BRD4: variants seen among roughly 807,000 people sequenced by gnomAD.
BRD4 encodes the protein bromodomain-containing protein 4.
A neutral mutation model predicts 142.1 loss-of-function variants in BRD4; 16 were observed. That is an observed-to-expected ratio of 0.11 (90% CI 0.08 to 0.17). BRD4 has a LOEUF of 0.17. Among genes scored for constraint, BRD4 ranks in the 10% least tolerant of loss-of-function variants. BRD4 has a pLI of 1.00. For synonymous variants in BRD4, 833 were observed against 707.5 expected (o/e 1.18, Z -2.82); for missense variants, 1,424 against 1,810.9 (o/e 0.79, Z 3.88).
At chr19:15,308,494 G>C (rs2047937383) in intron 1 of BRD4, among the ~76,000 whole-genome samples, 2 of 150,956 alleles carry the variant, frequency 1.3e-5, no homozygotes, top group African/African-American at 2.4e-5. Context: ...GGCTGAGGCA[G>C]AACAATCGCT....
At chr19:15,331,105 A>G (rs1243127541) in intron 1 of BRD4, among the ~76,000 whole-genome samples, 1 of 152,182 alleles carries the variant, frequency 6.6e-6, no homozygotes, top group Admixed American at 6.5e-5. Flanking sequence ...ACCCAAGACC[A>G]GACACCCCAC....
intron 1 of BRD4, among the ~76,000 whole-genome samples, chr19:15,283,415 C>G (rs1205270722): frequency 1.3e-5 from 2 of 152,190 alleles, no homozygotes; most frequent in Non-Finnish European, 2.9e-5. Context: ...TTATAATCCT[C>G]ATTTAAATTT....
At chr19:15,255,204 G>A in intron 10 of BRD4, 93 bp downstream of exon 10, 1 of 1,273,286 alleles carries the variant, frequency 7.9e-7, no homozygotes. Flanking sequence ...AAAAAAGGGG[G>A]GGGGCGCAGA....
chr19:15,258,602 TTTCTTC>T (rs931423547), intron 7 of BRD4, among the ~76,000 whole-genome samples: 16 of 152,096 alleles, frequency 1.1e-4, no homozygotes, highest in Non-Finnish European at 1.8e-4. Context: ...TTTTTCTTTC[TTTCTTC>T]TTCTTCTTCT....
At chr19:15,331,520 A>C (rs918582814) in intron 1 of BRD4, among the ~76,000 whole-genome samples, 1 of 152,188 alleles carries the variant, frequency 6.6e-6, no homozygotes, top group Non-Finnish European at 1.5e-5. Context: ...CCAGGCTGAG[A>C]GTGGGTGCGT....
At chr19:15,304,678 A>C (rs1206223560) in intron 1 of BRD4, among the ~76,000 whole-genome samples, 1 of 152,194 alleles carries the variant, frequency 6.6e-6, no homozygotes, top group African/African-American at 2.4e-5. Flanking sequence ...GACTTAAACC[A>C]ACAAGCAATT....
At chr19:15,305,244 T>C (rs1311804626) in intron 1 of BRD4, among the ~76,000 whole-genome samples, 2 of 152,110 alleles carry the variant, frequency 1.3e-5, no homozygotes, top group East Asian at 1.9e-4. Flanking sequence ...GGTTTCTCCA[T>C]GTTAGTCAGG....
intron 1 of BRD4, among the ~76,000 whole-genome samples, chr19:15,283,375 C>T (rs1394879150): frequency 6.6e-6 from 1 of 152,068 alleles, no homozygotes; most frequent in Admixed American, 6.5e-5. Flanking sequence ...TGAAATTTTC[C>T]CATTGCAAAC....
chr19:15,285,431 A>G (rs1289126726), intron 1 of BRD4, among the ~76,000 whole-genome samples: 2 of 152,204 alleles, frequency 1.3e-5, no homozygotes, highest in Non-Finnish European at 2.9e-5. Context: ...CTGTGGTCCC[A>G]GCTACTCTGC....
Position 15,306,674 on chromosome 19 carries a change from G to A in BRD4, c.-35+25616C>T, listed in dbSNP as rs188716384. Reference sequence around the variant, plus strand: ...TATTAACCGGCCTAATTTTAAGACAGTTGTGTCTCAAGGAATAGAGAGGTC... The same window carrying A: ...TATTAACCGGCCTAATTTTAAGACAATTGTGTCTCAAGGAATAGAGAGGTC... On this transcript the variant is annotated intron_variant, in intron 1 of 19. Transcript: ENST00000679869. Among the ~76,000 whole-genome samples the A allele has an allele frequency of 2.1e-4, 32 of 152,270 alleles. No homozygotes were observed. The East Asian group carries it at 5.8e-3, about 27-fold the overall frequency.
intron 6 of BRD4, among the ~76,000 whole-genome samples, chr19:15,263,756 T>A (rs2047500174): frequency 6.6e-6 from 1 of 152,126 alleles, no homozygotes; most frequent in Non-Finnish European, 1.5e-5. Context: ...CTCACCTGCC[T>A]GGCTCGCAGG....
At chr19:15,240,143 G>A in intron 14 of BRD4, 121 bp from the exon 15 acceptor site, 1 of 1,408,462 alleles carries the variant, frequency 7.1e-7, no homozygotes, top group Non-Finnish European at 9.4e-7. Context: ...CAGGCCCTGG[G>A]ACAAGGGTCC....
In BRD4 at chr19:15,265,335, C is replaced by T. The variant is rs533481674; in HGVS notation, c.849+19G>A. ...TCTCCTCCCTGGTGAAGCAGCCCTC[C>T]AGAGTCCAGGAGACTCACCTTCACA... On this transcript the variant is annotated intron_variant, in intron 5 of 19. Transcript: ENST00000679869. The T allele has an allele frequency of 6.7e-7, 1 of 1,484,842 alleles. No homozygotes were observed. Among genetic ancestry groups the T allele is most frequent in the African/African-American group, 1.4e-5 (1 of 71,180 alleles). 92.0% of individuals were successfully genotyped at this position (1,484,842 alleles called of 1,614,324 possible). A position where few individuals can be genotyped will look rare whatever the true frequency, so the allele number is the denominator to read the frequency against.
chr19:15,252,526 A>C (rs2047358600), intron 11 of BRD4, among the ~76,000 whole-genome samples: 1 of 152,244 alleles, frequency 6.6e-6, no homozygotes, highest in African/African-American at 2.4e-5. Context: ...CCAAGAATAC[A>C]GCCATTCACC....
chr19:15,253,627 G>T, intron 11 of BRD4: 1 of 1,596,442 alleles, frequency 6.3e-7, no homozygotes, highest in Non-Finnish European at 8.5e-7. Context: ...CCAGGTGATG[G>T]CAGGGCCAGC....
intron 1 of BRD4, among the ~76,000 whole-genome samples, chr19:15,303,632 G>T (rs780651122): frequency 6.6e-6 from 1 of 152,182 alleles, no homozygotes; most frequent in Non-Finnish European, 1.5e-5. Context: ...GAAAAAGGCT[G>T]CCCAGCATTC....
At chr19:15,278,164 T>C (rs966670049) in intron 1 of BRD4, among the ~76,000 whole-genome samples, 2 of 137,866 alleles carry the variant, frequency 1.5e-5, no homozygotes, top group African/African-American at 5.5e-5. Flanking sequence ...CAACAGGAGA[T>C]GCAGGTAGTG....
Position 15,327,175 on chromosome 19 carries a change from C to A in BRD4, c.-35+5115G>T, listed in dbSNP as rs558597169. On this transcript the variant is annotated intron_variant, in intron 1 of 19. Coordinates refer to ENST00000679869, the MANE Select transcript of BRD4 (RefSeq NM_001379291.1). ...CCATTAAAAAGTCGCTGTGCACCCT[C>A]AAAAACTTAAACATAGATATATGAC... Among the ~76,000 whole-genome samples the A allele has an allele frequency of 5.9e-5, 9 of 152,294 alleles. No homozygotes were observed. In the East Asian group the frequency reaches 1.7e-3, roughly 29 times the overall value.
rs775209814 is a variant in BRD4, at chr19:15,239,154, G to A, written c.3687C>T (p.Arg1229=). 1.6e-5 allele frequency: 25 copies of A among 1,612,420 alleles called. No homozygotes were observed. The highest frequency in any genetic ancestry group is 1.8e-5 in the Non-Finnish European group (21 of 1,179,962). The part of the protein sequence containing the change: ...SSSDSFEQFR[R]AAREKEEREK... ...CACGCTCCTCTTTCTCCCGAGCGGC[G>A]CGGCGGAACTGCTCGAAGCTGTCGC... The change falls in exon 18 of 20, where the codon CGC becomes CGT. Residue 1229 remains arginine (R), a synonymous_variant. Coordinates refer to ENST00000679869, the MANE Select transcript of BRD4 (RefSeq NM_001379291.1). The surrounding 1 kb of genome is among the most constrained non-coding windows in gnomAD (Gnocchi z 7.4).
Sources: allele counts gnomAD v4.1 joint callset (sites outside exome capture counted in the v4.1 genomes callset), GRCh38; gene constraint gnomAD v4.1.1; non-coding constraint Gnocchi (gnomAD v3.1); transcripts MANE v1.5; gene names NCBI Gene and HGNC (gene_info 2026-07-23, HGNC 2026-07-21).